VAC14: variants seen among roughly 807,000 people sequenced by gnomAD.
VAC14 encodes the protein VAC14 component of PIKFYVE complex, also known as protein VAC14 homolog.
Under a neutral mutation model 85.3 loss-of-function variants are expected in VAC14, and 47 were observed. The ratio of observed to expected loss-of-function variants is 0.55; its 90% confidence interval spans 0.44 to 0.70. The LOEUF is 0.70. Ranked by LOEUF, VAC14 falls within the 30% of genes least tolerant of loss-of-function variation. The pLI, the probability that VAC14 is intolerant of heterozygous loss-of-function variation, is 0.00. For synonymous variants in VAC14, 447 were observed against 430.5 expected (o/e 1.04, Z -0.47); for missense variants, 861 against 1,004.3 (o/e 0.86, Z 1.93).
chr16:70,782,893 A>T, intron 7 of VAC14, 140 bp downstream of exon 7: 1 of 781,286 alleles, frequency 1.3e-6, no homozygotes, highest in Non-Finnish European at 2.1e-6. Context: ...CCCAGGGCCC[A>T]CTGTCACACT....
rs763902330 is a variant in VAC14, at chr16:70,772,090, G to C, written c.1160+19C>G. 6.2e-7 allele frequency: 1 copy of C among 1,613,034 alleles called. No individual in the cohort carries two copies. Among genetic ancestry groups the C allele is most frequent in the Non-Finnish European group, 8.5e-7 (1 of 1,179,284 alleles). ...CCGCTCGCTTTCCACAAACCTTCTG[G>C]CTGAAACAAGCCACTTACCTGGCTG... On this transcript the variant is annotated intron_variant, in intron 10 of 18. Transcript: ENST00000261776.
At chr16:70,767,428 G>T (rs1419935351) in intron 10 of VAC14, among the ~76,000 whole-genome samples, 1 of 152,176 alleles carries the variant, frequency 6.6e-6, no homozygotes, top group African/African-American at 2.4e-5. Flanking sequence ...AATCAGCAGA[G>T]GCTACAAGCT....
intron 12 of VAC14, chr16:70,761,004 T>C (rs1567577499): frequency 6.2e-6 from 2 of 321,102 alleles, no homozygotes; most frequent in African/African-American, 3.5e-5. Flanking sequence ...TGTGTGTGTG[T>C]GTGTGTGTGT....
chr16:70,736,884 C>T (rs937207004), intron 13 of VAC14, among the ~76,000 whole-genome samples: 1 of 151,710 alleles, frequency 6.6e-6, no homozygotes, highest in Admixed American at 6.6e-5. Context: ...GGGAAAGGGG[C>T]CACACTTGAA....
rs118189569 is a variant in VAC14 at position 70,789,812 on chromosome 16, C to T, written c.105-3447G>A. ...AGGCCCGCTAAAGCAGCTGTGCCTC[C>T]CCACGCCTGCCCAGGAAGCCAGGAC... On this transcript the variant is annotated intron_variant, in intron 1 of 18. Transcript: ENST00000261776. 6.7e-4 allele frequency among the ~76,000 whole-genome samples: 102 copies of T among 152,276 alleles called. No individual in the cohort carries two copies. In the East Asian group the frequency reaches 0.014, roughly 22 times the overall value.
intron 8 of VAC14, 126 bp downstream of exon 8, chr16:70,781,743 G>A (rs1190880811): frequency 6.8e-6 from 9 of 1,320,652 alleles, no homozygotes; most frequent in African/African-American, 3.0e-5. Flanking sequence ...TCTTTTTCCC[G>A]AGCTGCTAGG....
intron 15 of VAC14, among the ~76,000 whole-genome samples, chr16:70,698,021 C>T (rs1384883562): frequency 5.9e-5 from 9 of 152,300 alleles, no homozygotes; most frequent in Admixed American, 2.6e-4. Context: ...CTGGGACCCG[C>T]GTCTCTCCTT....
chr16:70,731,458 TG>T, intron 14 of VAC14, 36 bp downstream of exon 14: 1 of 1,597,490 alleles, frequency 6.3e-7, no homozygotes, highest in Non-Finnish European at 8.5e-7. Flanking sequence ...GCCGGGGCCG[TG>T]GGAGGAAGAG....
chr16:70,744,036 G>A (rs1242238543), intron 13 of VAC14, among the ~76,000 whole-genome samples: 1 of 152,046 alleles, frequency 6.6e-6, no homozygotes, highest in Non-Finnish European at 1.5e-5. Context: ...TTCTCAGAGA[G>A]GAAGGGAATG....
chr16:70,767,315 G>C (rs2032894082), intron 10 of VAC14, among the ~76,000 whole-genome samples: 1 of 152,074 alleles, frequency 6.6e-6, no homozygotes, highest in Admixed American at 6.5e-5. Flanking sequence ...TACAGTGTTC[G>C]GGTTACATCT....
intron 10 of VAC14, among the ~76,000 whole-genome samples, chr16:70,766,845 T>C (rs906992145): frequency 2.0e-5 from 3 of 152,160 alleles, no homozygotes; most frequent in Admixed American, 1.3e-4. Flanking sequence ...TGCTGAGCTC[T>C]GCACATGCTC....
intron 10 of VAC14, 88 bp downstream of exon 10, chr16:70,772,021 C>G (rs1362915046): frequency 3.2e-6 from 4 of 1,261,096 alleles, no homozygotes; most frequent in Non-Finnish European, 3.4e-6. Flanking sequence ...TAGAATTTGC[C>G]TTGGGTCATT....
At chr16:70,800,728 G>A in intron 1 of VAC14, 69 bp downstream of exon 1, 2 of 1,406,002 alleles carry the variant, frequency 1.4e-6, no homozygotes, top group South Asian at 2.3e-5. Flanking sequence ...GGGAAGGCGT[G>A]AGAAGTCCCC....
intron 18 of VAC14, chr16:70,688,485 C>G (rs943257649): frequency 1.8e-5 from 18 of 991,200 alleles, no homozygotes; most frequent in Middle Eastern, 5.1e-4. Context: ...GAGGTGGCAG[C>G]TTGGCCCTTT....
intron 17 of VAC14, 88 bp downstream of exon 17, chr16:70,695,456 A>C: frequency 1.4e-6 from 2 of 1,403,298 alleles, no homozygotes; most frequent in Non-Finnish European, 2.0e-6. Context: ...CCCAGCCAAA[A>C]GAGACCAACT....
intron 1 of VAC14, 141 bp from the exon 2 acceptor site, chr16:70,786,506 T>G (rs2034068472): frequency 9.0e-7 from 1 of 1,107,872 alleles, no homozygotes; most frequent in East Asian, 2.5e-5. Flanking sequence ...AGGTCTCAGT[T>G]CTGTTGCTGG....
At chr16:70,800,395 A>G (rs2034729618) in intron 1 of VAC14, among the ~76,000 whole-genome samples, 1 of 152,196 alleles carries the variant, frequency 6.6e-6, no homozygotes. Flanking sequence ...GAAGCTGGGT[A>G]AGAAACCAGG....
chr16:70,723,262 C>T (rs2054340518), intron 14 of VAC14, among the ~76,000 whole-genome samples: 1 of 151,496 alleles, frequency 6.6e-6, no homozygotes, highest in Non-Finnish European at 1.5e-5. Flanking sequence ...AAGAAAAATG[C>T]ATAACTGACT....
chr16:70,701,883 C>T (rs1045978428), intron 14 of VAC14, among the ~76,000 whole-genome samples: 3 of 152,238 alleles, frequency 2.0e-5, no homozygotes, highest in Admixed American at 6.5e-5. Context: ...GCCCTAGAGG[C>T]TCTGCCTGCT....
Sources: allele counts gnomAD v4.1 joint callset (sites outside exome capture counted in the v4.1 genomes callset), GRCh38; gene constraint gnomAD v4.1.1; transcripts MANE v1.5; gene names NCBI Gene and HGNC (gene_info 2026-07-23, HGNC 2026-07-21).